EEFSEC: variants seen among roughly 807,000 people sequenced by gnomAD.
EEFSEC encodes eukaryotic elongation factor, selenocysteine-tRNA specific.
A neutral mutation model predicts 42.1 loss-of-function variants in EEFSEC; 43 were observed. The ratio of observed to expected loss-of-function variants is 1.02; its 90% CI spans 0.80 to 1.32. EEFSEC has a LOEUF of 1.32. EEFSEC is among the 40% of genes most tolerant of loss of function. The pLI, the probability that EEFSEC is intolerant of heterozygous loss-of-function variation, is 0.00. For synonymous variants in EEFSEC, 354 were observed against 339.1 expected (o/e 1.04, Z -0.48); for missense variants, 745 against 803.6 (o/e 0.93, Z 0.88).
chr3:128,422,537 A>C, the EEFSEC span, among the ~76,000 whole-genome samples: 5 of 151,972 alleles, frequency 3.3e-5, no homozygotes, highest in Admixed American at 2.0e-4. Flanking sequence ...ACGCCTCAAC[A>C]CAGGGGCCAG....
At chr3:128,414,136 T>C in the EEFSEC span, among the ~76,000 whole-genome samples, 1 of 152,210 alleles carries the variant, frequency 6.6e-6, no homozygotes, top group Non-Finnish European at 1.5e-5. Flanking sequence ...TCCCTGTCCA[T>C]GCCCTGAGGC....
chr3:128,209,684 G>A (rs541548948), intron 1 of EEFSEC, among the ~76,000 whole-genome samples: 13 of 152,136 alleles, frequency 8.5e-5, no homozygotes, highest in Admixed American at 2.0e-4. Flanking sequence ...ATAAACACAC[G>A]TATGTACACA....
chr3:128,360,048 G>C (rs567730361), intron 6 of EEFSEC, among the ~76,000 whole-genome samples: 64 of 152,326 alleles, frequency 4.2e-4, no homozygotes, highest in African/African-American at 1.3e-3. Flanking sequence ...TTTGTTCCCT[G>C]TTAGCAGCCC....
intron 2 of EEFSEC, among the ~76,000 whole-genome samples, chr3:128,256,047 A>G (rs960158229): frequency 1.3e-5 from 2 of 151,998 alleles, no homozygotes; most frequent in African/African-American, 2.4e-5. Flanking sequence ...AGAGTGAGGG[A>G]CGTGCACCAC....
intron 6 of EEFSEC, among the ~76,000 whole-genome samples, chr3:128,397,900 G>A (rs753066496): frequency 2.6e-5 from 4 of 152,196 alleles, no homozygotes; most frequent in Non-Finnish European, 5.9e-5. Context: ...CTGCAGGGAT[G>A]ACAGGAAAGT....
chr3:128,161,676 C>T (rs1042335943), intron 1 of EEFSEC, among the ~76,000 whole-genome samples: 1 of 152,200 alleles, frequency 6.6e-6, no homozygotes, highest in African/African-American at 2.4e-5. Flanking sequence ...GCGACTTTGC[C>T]TTTTCCTTTT....
chr3:128,362,935 T>A (rs1392736981), intron 6 of EEFSEC, among the ~76,000 whole-genome samples: 1 of 152,210 alleles, frequency 6.6e-6, no homozygotes, highest in African/African-American at 2.4e-5. Context: ...TTTAATAACC[T>A]TTTGATTATT....
chr3:128,260,130 T>A (rs1224803856), intron 2 of EEFSEC, among the ~76,000 whole-genome samples: 2 of 152,190 alleles, frequency 1.3e-5, no homozygotes, highest in African/African-American at 2.4e-5. Context: ...TTGGTAGATT[T>A]TTTTTATTTT....
At chr3:128,290,768 C>A (rs1008309243) in intron 4 of EEFSEC, among the ~76,000 whole-genome samples, 1 of 151,882 alleles carries the variant, frequency 6.6e-6, no homozygotes, top group African/African-American at 2.4e-5. Flanking sequence ...TGTTTTTTGA[C>A]AGAGTTGCAC....
rs968585524 is a variant in EEFSEC at position 128,201,384 on chromosome 3, G to GA, written c.317-45440dup. ...GACCCAGAGTTCTGGGTGTGCTTAA[G>GA]AAAAAAAAAAAAGAATCTCATAGCA... On this transcript the variant is annotated intron_variant, in intron 1 of 6. Transcript: ENST00000254730. Among the ~76,000 whole-genome samples the GA allele has an allele frequency of 5.7e-3, 795 of 138,822 alleles. 4 individuals carry two copies. The highest frequency in any genetic ancestry group is 0.022 in the Middle Eastern group (6 of 270). 91.1% of individuals were successfully genotyped at this position (138,822 alleles called of 152,430 possible). A position where few individuals can be genotyped will look rare whatever the true frequency, so the allele number is the denominator to read the frequency against.
In EEFSEC at chr3:128,408,001, G is replaced by T. The variant is rs77237038; in HGVS notation, c.1601-68G>T. ...AGAGGGGTGAGTCTAGGCAGCAGGT[G>T]CGCGGGCAGGGAGCCCACGGGTGCT... On this transcript the variant is annotated intron_variant, in intron 6 of 6. Coordinates refer to ENST00000254730, the MANE Select transcript of EEFSEC (RefSeq NM_021937.5). 4,066 of 1,415,394 alleles carry T rather than the reference G, an allele frequency of 2.9e-3. 95 individuals are homozygous for T. The African/African-American group carries it at 0.05, about 17-fold the overall frequency. 87.7% of individuals were successfully genotyped at this position (1,415,394 alleles called of 1,614,324 possible).
chr3:128,281,286 TC>T (rs1248547474), intron 4 of EEFSEC, among the ~76,000 whole-genome samples: 2 of 152,188 alleles, frequency 1.3e-5, no homozygotes, highest in Non-Finnish European at 2.9e-5. Flanking sequence ...CTAATTTGGC[TC>T]CTCCATGGCC....
chr3:128,180,883 T>G (rs1293464300), intron 1 of EEFSEC, among the ~76,000 whole-genome samples: 1 of 152,236 alleles, frequency 6.6e-6, no homozygotes, highest in African/African-American at 2.4e-5. Context: ...AGGGGGCTAA[T>G]GAAGTCCTGA....
In EEFSEC at chr3:128,293,679, A is replaced by AACAAAAAAC. The variant is rs1553752141; in HGVS notation, c.786+28899_786+28900insCAAAAAACA. On this transcript the variant is annotated intron_variant, in intron 4 of 6. Transcript: ENST00000254730. ...CTATCTCAAAAAAAAAAAAAAAAAA[A>AACAAAAAAC]AAAAAAAACTTCCCTTATAGGATCA... 4.0e-4 allele frequency among the ~76,000 whole-genome samples: 54 copies of AACAAAAAAC among 133,436 alleles called. 6 individuals carry two copies. The highest frequency in any genetic ancestry group is 8.9e-4 in the African/African-American group (31 of 34,808). 87.5% of individuals were successfully genotyped at this position (133,436 alleles called of 152,430 possible). A position where few individuals can be genotyped will look rare whatever the true frequency, so the allele number is the denominator to read the frequency against.
intron 1 of EEFSEC, among the ~76,000 whole-genome samples, chr3:128,218,542 T>G (rs2065832500): frequency 6.6e-6 from 1 of 152,240 alleles, no homozygotes; most frequent in Non-Finnish European, 1.5e-5. Flanking sequence ...TAATTCTTGC[T>G]TTAGATGTGT....
rs2065344121 is a variant in EEFSEC, at chr3:128,175,986, T to C, written c.316+22163T>C. On this transcript the variant is annotated intron_variant, in intron 1 of 6. Coordinates refer to ENST00000254730, the MANE Select transcript of EEFSEC (RefSeq NM_021937.5). Reference sequence around the variant, plus strand: ...AGCCTCAGTTTTCTCATCTTCAAAATGGGGAGAATAAACTTACAAGTGTTT... The same window carrying C: ...AGCCTCAGTTTTCTCATCTTCAAAACGGGGAGAATAAACTTACAAGTGTTT... Among the ~76,000 whole-genome samples, 3 of 152,278 alleles carry C rather than the reference T, an allele frequency of 2.0e-5. No homozygotes were observed. In the South Asian group the frequency reaches 6.2e-4, roughly 32 times the overall value.
intron 2 of EEFSEC, among the ~76,000 whole-genome samples, chr3:128,248,150 T>C (rs1181846593): frequency 6.6e-6 from 1 of 152,194 alleles, no homozygotes; most frequent in Admixed American, 6.5e-5. Context: ...TTTTATCAAT[T>C]TCTCTCTTCC....
intron 4 of EEFSEC, among the ~76,000 whole-genome samples, chr3:128,293,660 CAAAAAAAAAA>C (rs759485696): frequency 7.1e-5 from 1 of 14,142 alleles, no homozygotes; most frequent in Non-Finnish European, 2.0e-4. Flanking sequence ...GACTCTATCT[CAAAAAAAAAA>C]AAAAAAAAAA....
chr3:128,256,495 C>G (rs1186226829), intron 2 of EEFSEC, among the ~76,000 whole-genome samples: 1 of 152,218 alleles, frequency 6.6e-6, no homozygotes, highest in Non-Finnish European at 1.5e-5. Context: ...ACATTCGCAG[C>G]ATCATGCCTC....
Sources: allele counts gnomAD v4.1 joint callset (sites outside exome capture counted in the v4.1 genomes callset), GRCh38; gene constraint gnomAD v4.1.1; transcripts MANE v1.5; gene names NCBI Gene and HGNC (gene_info 2026-07-23, HGNC 2026-07-21).